Variants in CDYL2 observed in about 807,000 individuals in gnomAD.
CDYL2 encodes chromodomain Y-like protein 2.
In CDYL2, 23 loss-of-function variants were observed where a neutral mutation model predicts 49.4. The observed-to-expected ratio is 0.47, with a 90% CI of 0.34 to 0.66. CDYL2 has a LOEUF of 0.66. Among genes scored for constraint, CDYL2 ranks in the 30% least tolerant of loss-of-function variants. The pLI, the probability that CDYL2 is intolerant of heterozygous loss-of-function variation, is 0.01. For synonymous variants in CDYL2, 360 were observed against 268.8 expected (o/e 1.34, Z -3.32); for missense variants, 678 against 656.4 (o/e 1.03, Z -0.36).
chr16:80,609,465 A>C (rs766913013), intron 5 of CDYL2, among the ~76,000 whole-genome samples: 12 of 152,236 alleles, frequency 7.9e-5, no homozygotes, highest in Non-Finnish European at 1.8e-4. Context: ...CTTTCACGCC[A>C]GAGTAGAGGG....
chr16:80,682,998 A>G (rs1167105807), intron 2 of CDYL2, among the ~76,000 whole-genome samples: 1 of 152,140 alleles, frequency 6.6e-6, no homozygotes, highest in Admixed American at 6.5e-5. Flanking sequence ...CTCAACACGG[A>G]TTGCTCAGAT....
chr16:80,705,733 C>G (rs1904382731), intron 1 of CDYL2, among the ~76,000 whole-genome samples: 1 of 152,390 alleles, frequency 6.6e-6, no homozygotes, highest in African/African-American at 2.4e-5. Context: ...CTCAAATCTG[C>G]CCTTGTCATG....
At chr16:80,719,369 A>G (rs957334068) in intron 1 of CDYL2, among the ~76,000 whole-genome samples, 6 of 152,164 alleles carry the variant, frequency 3.9e-5, no homozygotes, top group Non-Finnish European at 8.8e-5. Flanking sequence ...AGGAACACGA[A>G]TGACCCACAA....
At chr16:80,748,135 A>T (rs1247456922) in intron 1 of CDYL2, among the ~76,000 whole-genome samples, 3 of 117,882 alleles carry the variant, frequency 2.5e-5, no homozygotes, top group Non-Finnish European at 4.9e-5. Context: ...TAATAATAAT[A>T]ATAATAATAA....
chr16:80,667,981 A>AC (rs1909339447), intron 2 of CDYL2, among the ~76,000 whole-genome samples: 1 of 152,274 alleles, frequency 6.6e-6, no homozygotes, highest in Non-Finnish European at 1.5e-5. Context: ...AGGGAGAGAC[A>AC]CAAGTGGAAG....
chr16:80,688,869 C>T (rs999075210), intron 1 of CDYL2, among the ~76,000 whole-genome samples: 18 of 152,126 alleles, frequency 1.2e-4, no homozygotes, highest in African/African-American at 4.3e-4. Flanking sequence ...CTCCAAACTT[C>T]CTGCACTGTC....
rs571242601 is a variant in CDYL2, at chr16:80,612,138, C to T, written c.1218+488G>A. Among the ~76,000 whole-genome samples the T allele has an allele frequency of 2.6e-5, 4 of 152,260 alleles. No homozygotes were observed. The highest frequency in any genetic ancestry group is 5.9e-5 in the Non-Finnish European group (4 of 68,008). On this transcript the variant is annotated intron_variant, in intron 5 of 6. Transcript: ENST00000570137. The surrounding 1 kb of genome is among the most constrained non-coding windows in gnomAD (Gnocchi z 5.0). ...AATACCACATGAGTGGAGGGGAAGA[C>T]GCCCCTGCCGGCCTGGCCCATGAAG...
chr16:80,621,650 G>C (rs1907089883), intron 3 of CDYL2, among the ~76,000 whole-genome samples: 1 of 152,210 alleles, frequency 6.6e-6, no homozygotes, highest in Non-Finnish European at 1.5e-5. Context: ...CACATTCCTG[G>C]GAGGTAGTGA....
At chr16:80,782,543 A>AC (rs965320705) in intron 1 of CDYL2, among the ~76,000 whole-genome samples, 3 of 150,798 alleles carry the variant, frequency 2.0e-5, no homozygotes, top group Non-Finnish European at 4.4e-5. Context: ...AAAAAAAAAA[A>AC]AAAAAAAAAC....
chr16:80,727,340 G>A (rs1050865483), intron 1 of CDYL2, among the ~76,000 whole-genome samples: 5 of 152,186 alleles, frequency 3.3e-5, no homozygotes, highest in Admixed American at 6.5e-5. Flanking sequence ...GGTGACAGAC[G>A]GCACCTGGAA....
At chr16:80,775,992 G>C (rs889102580) in intron 1 of CDYL2, among the ~76,000 whole-genome samples, 2 of 151,826 alleles carry the variant, frequency 1.3e-5, no homozygotes, top group Non-Finnish European at 2.9e-5. Flanking sequence ...AAGAAGTTAC[G>C]TATATGTCAT....
intron 1 of CDYL2, 137 bp downstream of exon 1, chr16:80,804,013 C>G (rs866744496): frequency 0.16 from 64,731 of 392,730 alleles, 5,137 homozygotes; most frequent in African/African-American, 0.19. Flanking sequence ...CACCCTCCGG[C>G]CGCCGCCGCC....
At chr16:80,715,728 T>C (rs772731999) in intron 1 of CDYL2, among the ~76,000 whole-genome samples, 3 of 152,198 alleles carry the variant, frequency 2.0e-5, no homozygotes, top group Non-Finnish European at 2.9e-5. Context: ...GTATAAGCCC[T>C]GCACAGTTTG....
At chr16:80,799,646 G>A (rs1907867723) in intron 1 of CDYL2, among the ~76,000 whole-genome samples, 1 of 152,172 alleles carries the variant, frequency 6.6e-6, no homozygotes, top group Non-Finnish European at 1.5e-5. Context: ...AGGCTGCAAG[G>A]AGCCGTATCA....
chr16:80,661,455 G>T (rs920392937), intron 2 of CDYL2, among the ~76,000 whole-genome samples: 1 of 152,120 alleles, frequency 6.6e-6, no homozygotes, highest in African/African-American at 2.4e-5. Context: ...ATTCACACAG[G>T]TTGTCTCATT....
intron 3 of CDYL2, among the ~76,000 whole-genome samples, chr16:80,629,645 G>T (rs879316801): frequency 2.0e-5 from 3 of 152,182 alleles, no homozygotes; most frequent in Non-Finnish European, 2.9e-5. Flanking sequence ...CTGTATCCCA[G>T]ACAGGAGAAA....
chr16:80,722,839 C>T (rs1115000), intron 1 of CDYL2, among the ~76,000 whole-genome samples: 127,663 of 152,172 alleles, frequency 0.84, 55,136 homozygotes, highest in Non-Finnish European at 0.95. Flanking sequence ...ATGAGCATAC[C>T]TGGTGCCCTA....
chr16:80,642,587 GGT>G (rs2142406638), intron 2 of CDYL2, among the ~76,000 whole-genome samples: 1 of 152,222 alleles, frequency 6.6e-6, no homozygotes, highest in East Asian at 1.9e-4. Context: ...AAAGACATCG[GGT>G]AGACTGGGAA....
At chr16:80,783,018 G>A (rs1907323335) in intron 1 of CDYL2, among the ~76,000 whole-genome samples, 1 of 151,936 alleles carries the variant, frequency 6.6e-6, no homozygotes, top group African/African-American at 2.4e-5. Context: ...CAAGAGCTAA[G>A]GCAATGAAAG....
Sources: gnomAD v4.1 joint callset for allele counts (sites outside exome capture counted in the v4.1 genomes callset) on GRCh38, gnomAD v4.1.1 for gene constraint, Gnocchi (gnomAD v3.1) non-coding constraint, MANE v1.5 for transcripts, NCBI Gene and HGNC (gene_info 2026-07-23, HGNC 2026-07-21) for gene names.